PTPRN2: variants seen among roughly 807,000 people sequenced by gnomAD.
PTPRN2 encodes receptor-type tyrosine-protein phosphatase N2.
In PTPRN2, 74 loss-of-function variants were observed where a neutral mutation model predicts 118.8. The observed-to-expected ratio is 0.62, with a 90% CI of 0.52 to 0.76. The LOEUF is 0.76. Ranked by LOEUF, PTPRN2 falls within the 30% of genes least tolerant of loss-of-function variation. The probability of loss-of-function intolerance (pLI) is 0.00; values close to 1 mark genes in which losing one functional copy is unlikely to be tolerated. For synonymous variants in PTPRN2, 641 were observed against 608.0 expected, an observed-to-expected ratio of 1.05 and a Z score of -0.80; for missense variants, 1,481 against 1,394.4, an observed-to-expected ratio of 1.06 and a Z score of -0.99.
chr7:158,000,040 C>T (rs757092129), intron 11 of PTPRN2, among the ~76,000 whole-genome samples: 2 of 152,036 alleles, frequency 1.3e-5, no homozygotes, highest in Non-Finnish European at 2.9e-5. Context: ...GTGAGTGCCA[C>T]CATGCCCGGC....
intron 3 of PTPRN2, among the ~76,000 whole-genome samples, chr7:158,282,634 C>T (rs952564021): frequency 8.5e-5 from 13 of 152,250 alleles, no homozygotes; most frequent in African/African-American, 1.9e-4. Flanking sequence ...CCTCCTTGTG[C>T]TCCCACACAC....
intron 13 of PTPRN2, among the ~76,000 whole-genome samples, chr7:157,667,392 C>G (rs180788261): frequency 3.5e-4 from 53 of 152,098 alleles, no homozygotes; most frequent in African/African-American, 1.3e-3. Context: ...GACTTGCACA[C>G]TCGGCCCGTG....
rs1339906756 is a variant in PTPRN2 at position 158,249,532 on chromosome 7, T to A, written c.278-44259A>T. On this transcript the variant is annotated intron_variant, in intron 3 of 22. Transcript: ENST00000389418. ...GCATCACACACATGCACACCATACA[T>A]GCATACATACACATATCTACCACAC... Among the ~76,000 whole-genome samples the A allele has an allele frequency of 2.0e-5, 3 of 151,376 alleles. No homozygotes were observed. The East Asian group carries it at 5.9e-4, about 30-fold the overall frequency.
rs1242956955 is a variant in PTPRN2, at chr7:158,526,102, TGAG to T, written c.113-36320_113-36318del. ...GAAGGGGGACTATCTGCCCAGTCCC[TGAG>T]GAGATGATGACTTCCTACAGCTTCT... On this transcript the variant is annotated intron_variant, in intron 1 of 22. Coordinates refer to ENST00000389418, the MANE Select transcript of PTPRN2 (RefSeq NM_002847.5). The surrounding 1 kb of genome is among the most constrained non-coding windows in gnomAD (Gnocchi z 5.2). Among the ~76,000 whole-genome samples, 2 of 152,172 alleles carry T rather than the reference TGAG, an allele frequency of 1.3e-5. No homozygotes were observed. Among genetic ancestry groups the T allele is most frequent in the Non-Finnish European group, 2.9e-5 (2 of 68,028 alleles).
chr7:157,546,492 T>C (rs531520418), intron 22 of PTPRN2, among the ~76,000 whole-genome samples: 60 of 152,206 alleles, frequency 3.9e-4, no homozygotes, highest in Non-Finnish European at 5.9e-4. Flanking sequence ...TGTGTTCTCA[T>C]TGTTCAGCTG....
At chr7:158,342,815 G>T (rs1807155368) in intron 2 of PTPRN2, among the ~76,000 whole-genome samples, 1 of 152,064 alleles carries the variant, frequency 6.6e-6, no homozygotes, top group African/African-American at 2.4e-5. Context: ...TACGGAAACA[G>T]GATCAACCAT....
intron 2 of PTPRN2, among the ~76,000 whole-genome samples, chr7:158,484,861 G>A (rs1243077293): frequency 6.6e-6 from 1 of 152,192 alleles, no homozygotes; most frequent in Non-Finnish European, 1.5e-5. Context: ...GTGGAGAAAG[G>A]GCTTGGAATA....
intron 16 of PTPRN2, among the ~76,000 whole-genome samples, chr7:157,600,845 T>C (rs1219131925): frequency 6.6e-6 from 1 of 152,264 alleles, no homozygotes; most frequent in East Asian, 1.9e-4. Flanking sequence ...ATTCCCATAT[T>C]TGGCCAATTT....
At chr7:158,299,587 C>T (rs962099465) in intron 3 of PTPRN2, among the ~76,000 whole-genome samples, 7 of 152,176 alleles carry the variant, frequency 4.6e-5, no homozygotes, top group Admixed American at 1.3e-4. Context: ...TGAGCCACCA[C>T]GCCTGACCAG....
At chr7:158,408,228 G>A (rs1369390866) in intron 2 of PTPRN2, among the ~76,000 whole-genome samples, 2 of 152,118 alleles carry the variant, frequency 1.3e-5, no homozygotes, top group Non-Finnish European at 2.9e-5. Context: ...GGTATTGAAA[G>A]CAGACAACAC....
chr7:157,576,065 C>G (rs1800021732), intron 19 of PTPRN2, among the ~76,000 whole-genome samples: 2 of 152,184 alleles, frequency 1.3e-5, no homozygotes, highest in South Asian at 4.1e-4. Flanking sequence ...TAAATACACT[C>G]TCAAACCAGA....
intron 3 of PTPRN2, among the ~76,000 whole-genome samples, chr7:158,274,945 T>G (rs935035276): frequency 2.0e-5 from 3 of 152,232 alleles, no homozygotes; most frequent in Admixed American, 1.3e-4. Flanking sequence ...GGCTGCCTTT[T>G]ATATTCAAAT....
chr7:158,001,046 G>A lies in PTPRN2; in HGVS notation c.1723+80252C>T, dbSNP rs1373536208. Among the ~76,000 whole-genome samples the A allele has an allele frequency of 2.9e-3, 5 of 1,706 alleles. 2 individuals carry two copies. The highest frequency in any genetic ancestry group is 8.1e-3 in the Non-Finnish European group (5 of 616). The allele number at this position is 1,706 out of a possible 152,430, so 1.1% of individuals were successfully genotyped here. A position where few individuals can be genotyped will look rare whatever the true frequency, so the allele number is the denominator to read the frequency against. On this transcript the variant is annotated intron_variant, in intron 11 of 22. Coordinates refer to ENST00000389418, the MANE Select transcript of PTPRN2 (RefSeq NM_002847.5). ...GGCCGCAGGTGGGGTGCATGGTGGG[G>A]GCTGGGGTTTGACCGCAGGTGGGGA...
rs557778892 is a variant in PTPRN2, at chr7:157,560,421, G to A, written c.2902+8481C>T. On this transcript the variant is annotated intron_variant, in intron 21 of 22. Coordinates refer to ENST00000389418, the MANE Select transcript of PTPRN2 (RefSeq NM_002847.5). The surrounding 1 kb of genome is among the most constrained non-coding windows in gnomAD (Gnocchi z 6.7). ...GTCCACACGCTCCCACCAGGCGATC[G>A]ACACCAGGGTCCGCCTGTGCCCTGC... is the stretch of plus-strand genomic sequence containing the variant. Among the ~76,000 whole-genome samples the A allele has an allele frequency of 3.4e-4, 50 of 148,652 alleles. No homozygotes were observed. Among genetic ancestry groups the A allele is most frequent in the Admixed American group, 1.1e-3 (17 of 15,036 alleles).
chr7:158,534,739 C>A (rs555393626), intron 1 of PTPRN2, among the ~76,000 whole-genome samples: 1 of 152,194 alleles, frequency 6.6e-6, no homozygotes, highest in African/African-American at 2.4e-5. Context: ...TGTTTCACCT[C>A]GGCTGTGCAG....
chr7:157,756,951 C>T (rs756369932), intron 12 of PTPRN2, among the ~76,000 whole-genome samples: 10 of 152,106 alleles, frequency 6.6e-5, no homozygotes, highest in African/African-American at 9.7e-5. Flanking sequence ...GAAACATGGA[C>T]GGAGCCTGGA....
chr7:158,068,724 T>C (rs1342207907), intron 11 of PTPRN2, among the ~76,000 whole-genome samples: 1 of 152,202 alleles, frequency 6.6e-6, no homozygotes, highest in Non-Finnish European at 1.5e-5. Context: ...GATGTCATTT[T>C]GGTCGGTCAA....
chr7:157,774,016 A>G (rs767117101), intron 12 of PTPRN2, among the ~76,000 whole-genome samples: 8 of 152,232 alleles, frequency 5.3e-5, no homozygotes, highest in Non-Finnish European at 1.5e-5. Context: ...GGTGACAAAA[A>G]GAAAACATAG....
chr7:157,753,875 C>A (rs1016494299), intron 12 of PTPRN2, among the ~76,000 whole-genome samples: 1 of 152,224 alleles, frequency 6.6e-6, no homozygotes, highest in African/African-American at 2.4e-5. Context: ...CCACCTAGCA[C>A]AGCACCCCCA....
Sources: gnomAD v4.1 joint callset for allele counts (sites outside exome capture counted in the v4.1 genomes callset) on GRCh38, gnomAD v4.1.1 for gene constraint, Gnocchi (gnomAD v3.1) non-coding constraint, MANE v1.5 for transcripts, NCBI Gene and HGNC (gene_info 2026-07-23, HGNC 2026-07-21) for gene names.